ZMYM2: variants seen among roughly 807,000 people sequenced by gnomAD.
ZMYM2 encodes the protein zinc finger MYM-type containing 2, also known as zinc finger MYM-type protein 2.
ZMYM2 carries 56 observed loss-of-function variants against 162.8 expected under a neutral mutation model. The ratio of observed to expected loss-of-function variants is 0.34; its 90% CI spans 0.28 to 0.43. The LOEUF is 0.43. ZMYM2 is among the 20% of genes least tolerant of loss of function. The pLI is 1.00. For missense variants in ZMYM2, 1,275 were observed against 1,621.8 expected (o/e 0.79, Z 3.67); for synonymous variants, 510 against 541.6 (o/e 0.94, Z 0.81).
chr13:20,036,826 G>A lies in ZMYM2; in HGVS notation c.2209G>A (p.Gly737Arg). 1 of 1,609,760 alleles carries A rather than the reference G, an allele frequency of 6.2e-7. No homozygotes were observed. The highest frequency in any genetic ancestry group is 8.5e-7 in the Non-Finnish European group (1 of 1,177,844). The change falls in exon 12 of 25, where the codon GGA (glycine) becomes AGA (arginine). Residue 737 changes from glycine (G) to arginine (R), a missense_variant. Gly to Arg is a moderately radical substitution (Grantham distance 125). Around this residue, in one of 10 missense-constraint regions of ZMYM2, gnomAD observed 177 missense variants for 228.0 expected, o/e 0.78. Coordinates refer to ENST00000610343, the MANE Select transcript of ZMYM2 (RefSeq NM_197968.4). The stretch of plus-strand genomic sequence containing the variant: ...CTATTGTTCTCAGCTATGTAAGAAG[G>A]GAGCAACTAAAGAACTCGATGGTGT... ...CNYCSQLCKK[G>R]ATKELDGVVR...
intron 19 of ZMYM2, among the ~76,000 whole-genome samples, chr13:20,065,978 GATT>G (rs1418270966): frequency 9.9e-5 from 15 of 152,126 alleles, no homozygotes. Flanking sequence ...GTAATATTTA[GATT>G]ATTAGTTTAT....
rs758921169 is a variant in ZMYM2, at chr13:20,058,858, G to A, written c.2623+154G>A. ...GCTTACGTAATTTTAGATATTACCT[G>A]GAGAATACAGCATCTCATTTTAAAT... On this transcript the variant is annotated intron_variant, in intron 15 of 24. Coordinates refer to ENST00000610343, the MANE Select transcript of ZMYM2 (RefSeq NM_197968.4). 3 of 924,624 alleles carry A rather than the reference G, an allele frequency of 3.2e-6. No individual in the cohort carries two copies. In the East Asian group the frequency reaches 7.3e-5, roughly 22 times the overall value. The allele number at this position is 924,624 out of a possible 1,614,324, so 57.3% of individuals were successfully genotyped here.
At chr13:20,032,077 G>T (rs932210035) in intron 10 of ZMYM2, among the ~76,000 whole-genome samples, 1 of 151,794 alleles carries the variant, frequency 6.6e-6, no homozygotes, top group Non-Finnish European at 1.5e-5. Flanking sequence ...CACCATGTTG[G>T]CCAGGCTGGT....
At position 20,030,605 on chromosome 13, in the gene ZMYM2, A is replaced by G. The variant is rs565987640; in HGVS notation, c.1852-714A>G. ...AGTAGAGACGGGGTTTTACCGTGTT[A>G]GCCAGGATGGTCTCGATCTCCTGAC... On this transcript the variant is annotated intron_variant, in intron 9 of 24. Coordinates refer to ENST00000610343, the MANE Select transcript of ZMYM2 (RefSeq NM_197968.4). Among the ~76,000 whole-genome samples, 10 of 152,064 alleles carry G rather than the reference A, an allele frequency of 6.6e-5. No individual in the cohort carries two copies. In the East Asian group the frequency reaches 1.4e-3, roughly 21 times the overall value.
chr13:19,884,160 G>A, the ZMYM2 span, among the ~76,000 whole-genome samples: 2 of 152,120 alleles, frequency 1.3e-5, no homozygotes. Context: ...TTGAGCTTAT[G>A]AGTTTTACAA....
At chr13:19,951,290 C>G in the ZMYM2 span, among the ~76,000 whole-genome samples, 1 of 151,948 alleles carries the variant, frequency 6.6e-6, no homozygotes, top group African/African-American at 2.4e-5. Flanking sequence ...GAAGAGACAA[C>G]CTATGAAATG....
chr13:20,020,361 A>G (rs1045796168), intron 7 of ZMYM2, among the ~76,000 whole-genome samples: 18 of 151,648 alleles, frequency 1.2e-4, no homozygotes, highest in African/African-American at 3.9e-4. Context: ...CAGCCTCCCA[A>G]GTAGCTGGGA....
chr13:20,080,482 T>C (rs1175597578), intron 21 of ZMYM2, among the ~76,000 whole-genome samples: 1 of 152,006 alleles, frequency 6.6e-6, no homozygotes, highest in Admixed American at 6.6e-5. Flanking sequence ...AATCCGACAA[T>C]ATCTGTCTCT....
intron 10 of ZMYM2, among the ~76,000 whole-genome samples, chr13:20,033,572 G>A (rs1323561): frequency 8.7e-4 from 133 of 152,312 alleles, no homozygotes; most frequent in South Asian, 3.1e-3. Context: ...TAACTGTAAA[G>A]TAAATGGTTT....
Position 20,003,116 on chromosome 13 carries a change from C to T in ZMYM2, c.1114C>T (p.Leu372Phe), listed in dbSNP as rs1278710387. 7 of 1,613,986 alleles carry T rather than the reference C, an allele frequency of 4.3e-6. No individual in the cohort carries two copies. Among genetic ancestry groups the T allele is most frequent in the African/African-American group, 1.3e-5 (1 of 74,918 alleles). ...SFSHKPAPKK[L>F]CVMCKKDITT... ...CTCCCACAAGCCTGCTCCAAAGAAACTCTGTGTTATGTGTAAAAAGTAAGG... is the reference window on the plus strand; with the variant it reads ...CTCCCACAAGCCTGCTCCAAAGAAATTCTGTGTTATGTGTAAAAAGTAAGG... The change falls in exon 4 of 25, where the codon CTC becomes TTC. Residue 372 changes from leucine (L) to phenylalanine (F), a missense_variant. Leu to Phe is a conservative substitution (Grantham distance 22). Coordinates refer to ENST00000610343, the MANE Select transcript of ZMYM2 (RefSeq NM_197968.4).
At chr13:20,062,415 G>A (rs892793757) in intron 17 of ZMYM2, among the ~76,000 whole-genome samples, 3 of 152,106 alleles carry the variant, frequency 2.0e-5, no homozygotes, top group Non-Finnish European at 2.9e-5. Flanking sequence ...GCAACTGATC[G>A]AACCATTAAA....
intron 2 of ZMYM2, among the ~76,000 whole-genome samples, chr13:19,974,199 C>T (rs1480614156): frequency 1.3e-5 from 2 of 152,210 alleles, no homozygotes; most frequent in East Asian, 1.9e-4. Context: ...ACACAATTCT[C>T]TTCCCTAGAG....
At chr13:19,944,825 C>A in the ZMYM2 span, among the ~76,000 whole-genome samples, 1 of 151,986 alleles carries the variant, frequency 6.6e-6, no homozygotes, top group South Asian at 2.1e-4. Context: ...CACCCACCAC[C>A]ACACCTGGCT....
chr13:19,958,373 T>A, upstream of ZMYM2, among the ~76,000 whole-genome samples: 1 of 151,050 alleles, frequency 6.6e-6, no homozygotes, highest in East Asian at 2.0e-4. Flanking sequence ...GCTGTGTAGG[T>A]CCCGGAGAGC....
the ZMYM2 span, among the ~76,000 whole-genome samples, chr13:19,884,258 C>T: frequency 1.3e-5 from 2 of 152,072 alleles, no homozygotes; most frequent in Non-Finnish European, 2.9e-5. Context: ...GTATTTATCC[C>T]TTCTGGTAGG....
chr13:20,060,425 TC>T (rs912055626), intron 16 of ZMYM2, among the ~76,000 whole-genome samples: 1 of 152,208 alleles, frequency 6.6e-6, no homozygotes, highest in African/African-American at 2.4e-5. Context: ...ACGCCTGTAA[TC>T]CCAGCACTTT....
chr13:20,005,345 T>C (rs1320397888), intron 5 of ZMYM2, 106 bp downstream of exon 5: 2 of 809,224 alleles, frequency 2.5e-6, no homozygotes, highest in Non-Finnish European at 3.8e-6. Context: ...AAAATGAATA[T>C]ATATAAAGAC....
At chr13:20,024,091 C>A (rs915344012) in intron 7 of ZMYM2, among the ~76,000 whole-genome samples, 1 of 151,888 alleles carries the variant, frequency 6.6e-6, no homozygotes, top group Non-Finnish European at 1.5e-5. Flanking sequence ...TGCACCACCA[C>A]GCCTGGCTAA....
At chr13:20,074,483 T>A (rs1377751936) in intron 21 of ZMYM2, among the ~76,000 whole-genome samples, 1 of 151,848 alleles carries the variant, frequency 6.6e-6, no homozygotes, top group Non-Finnish European at 1.5e-5. Flanking sequence ...CAATCCACCT[T>A]CCTCAGCCTC....
Sources: allele counts gnomAD v4.1 joint callset (sites outside exome capture counted in the v4.1 genomes callset), GRCh38; gene constraint gnomAD v4.1.1; regional missense constraint gnomAD v4.1.1; transcripts MANE v1.5; gene names NCBI Gene and HGNC (gene_info 2026-07-23, HGNC 2026-07-21).